The following MPZL2 variants were observed in gnomAD, a reference collection of about 807,000 sequenced individuals.
MPZL2 encodes the protein myelin protein zero-like protein 2.
MPZL2 carries 32 observed loss-of-function variants against 24.5 expected under a neutral mutation model. That is an observed-to-expected ratio of 1.31 (90% CI 0.99 to 1.76). MPZL2 has a LOEUF of 1.76. Among genes scored for constraint, MPZL2 ranks in the 40% most tolerant of loss-of-function variants. MPZL2 has a pLI of 0.00. For missense variants in MPZL2, 304 were observed against 274.9 expected, an observed-to-expected ratio of 1.11 and a Z score of -0.75; for synonymous variants, 92 against 97.9, an observed-to-expected ratio of 0.94 and a Z score of 0.36.
At position 118,263,025 on chromosome 11, in the gene MPZL2, C is replaced by G. The variant is rs145363544; in HGVS notation, c.131G>C (p.Arg44Pro). Reference sequence around the variant, plus strand: ...AAAGCTGGAGAAAGTGCATTTTAACCGAGCATCTGTCCCATTAACAGCCTC... The same window carrying G: ...AAAGCTGGAGAAAGTGCATTTTAACGGAGCATCTGTCCCATTAACAGCCTC... ...VLEAVNGTDARLKCTFSSFAP... is the reference protein window; with the variant it reads ...VLEAVNGTDAPLKCTFSSFAP... Residue 44 changes from arginine (R) to proline (P), a missense_variant, in exon 2 of 6, where the codon CGG (arginine) becomes CCG (proline). Coordinates refer to ENST00000278937, the MANE Select transcript of MPZL2 (RefSeq NM_005797.4). 6.2e-7 allele frequency: 1 copy of G among 1,614,134 alleles called. No homozygotes were observed. Among genetic ancestry groups the G allele is most frequent in the South Asian group, 1.1e-5 (1 of 91,074 alleles).
intron 1 of MPZL2, 32 bp downstream of exon 1, chr11:118,264,064 G>C (rs1416648900): frequency 1.2e-6 from 2 of 1,606,474 alleles, no homozygotes; most frequent in Admixed American, 1.7e-5. Flanking sequence ...CAGTGAAGGA[G>C]GAAACTCTGA....
At chr11:118,259,817 T>C (rs1032926542) in intron 4 of MPZL2, 12 of 398,978 alleles carry the variant, frequency 3.0e-5, no homozygotes, top group African/African-American at 2.4e-4. Context: ...CACATTTTTG[T>C]AAAATCAACC....
chr11:118,258,365 A>C (rs927629044), intron 4 of MPZL2, among the ~76,000 whole-genome samples: 1 of 152,212 alleles, frequency 6.6e-6, no homozygotes, highest in African/African-American at 2.4e-5. Context: ...TGGGAAAAAA[A>C]TTGCAAGTTG....
chr11:118,257,384 C>T, intron 4 of MPZL2, 71 bp from the exon 5 acceptor site: 3 of 1,266,930 alleles, frequency 2.4e-6, no homozygotes, highest in Non-Finnish European at 3.4e-6. Flanking sequence ...ACAGAAGCTT[C>T]AGGTAAGGTA....
At chr11:118,263,295 C>A in intron 1 of MPZL2, 198 bp from the exon 2 acceptor site, 1 of 550,742 alleles carries the variant, frequency 1.8e-6, no homozygotes. Context: ...TTCCATGTGA[C>A]AACTAAACTA....
chr11:118,257,079 AAGACTAAT>A (rs1239931679), intron 5 of MPZL2, 151 bp downstream of exon 5: 4 of 484,300 alleles, frequency 8.3e-6, no homozygotes, highest in African/African-American at 4.0e-5. Flanking sequence ...AGCTATCCAT[AAGACTAAT>A]AGAAGACTTT....
Position 118,262,999 on chromosome 11 carries a change from C to A in MPZL2, c.157G>T (p.Ala53Ser). ...ARLKCTFSSF[A>S]PVGDALTVTW... ...ACTGTTAGAGCATCACCCACAGGGG[C>A]AAAGCTGGAGAAAGTGCATTTTAAC... The change falls in exon 2 of 6, where the codon GCC becomes TCC. Residue 53 changes from alanine (A) to serine (S), a missense_variant. Coordinates refer to ENST00000278937, the MANE Select transcript of MPZL2 (RefSeq NM_005797.4). 6.2e-7 allele frequency: 1 copy of A among 1,614,178 alleles called. No individual in the cohort carries two copies. The highest frequency in any genetic ancestry group is 8.5e-7 in the Non-Finnish European group (1 of 1,180,024).
At position 118,260,186 on chromosome 11, in the gene MPZL2, A is replaced by G. The variant is rs759837097; in HGVS notation, c.452T>C (p.Ile151Thr). 7.2e-5 allele frequency: 117 copies of G among 1,613,964 alleles called. No homozygotes were observed. Among genetic ancestry groups the G allele is most frequent in the Admixed American group, 1.3e-4 (8 of 60,006 alleles). ...SVVHTVRFSE[I>T]HFLALAIGSA... ...GCCAATGGCCAGAGCCAGGAAGTGG[A>G]TCTCAGAGAAGCGTACTGTAAGGAG... Residue 151 changes from isoleucine to threonine, a missense_variant, in exon 4 of 6, where the codon ATC (isoleucine) becomes ACC (threonine). By Grantham distance (89) the Ile-to-Thr change is moderately conservative. Coordinates refer to ENST00000278937, the MANE Select transcript of MPZL2 (RefSeq NM_005797.4).
chr11:118,264,178 G>C lies in MPZL2; in HGVS notation c.-25C>G, dbSNP rs1372541368. 4 of 1,613,132 alleles carry C rather than the reference G, an allele frequency of 2.5e-6. No homozygotes were observed. Among genetic ancestry groups the C allele is most frequent in the Non-Finnish European group, 3.4e-6 (4 of 1,179,266 alleles). On this transcript the variant is annotated 5_prime_UTR_variant, in exon 1 of 6. Transcript: ENST00000278937. The stretch of plus-strand genomic sequence containing the variant: ...TGAGGGAAACCCAGCCTTGGCCCCA[G>C]AGACCGGACGGGGCAGACCGAGGGC...
chr11:118,253,939 T>C lies in MPZL2; in HGVS notation c.*1307A>G, dbSNP rs1394164922. 1 of 152,572 alleles carries C rather than the reference T, an allele frequency of 6.6e-6. No individual in the cohort carries two copies. The highest frequency in any genetic ancestry group is 1.5e-5 in the Non-Finnish European group (1 of 67,986). The allele number at this position is 152,572 out of a possible 1,614,324, so 9.5% of individuals were successfully genotyped here. ...TAATCTGTTTGAAAATTCCAGTTTG[T>C]TAAAAGAAAAAACATCTGCAGTCCA... On this transcript the variant is annotated 3_prime_UTR_variant, in exon 6 of 6. Transcript: ENST00000278937.
chr11:118,256,936 C>G (rs1057142496), intron 5 of MPZL2: 1 of 190,542 alleles, frequency 5.2e-6, no homozygotes, highest in Admixed American at 6.1e-5. Flanking sequence ...GATTTATTTA[C>G]TTGTTGAATA....
At chr11:118,259,865 T>C in intron 4 of MPZL2, 189 bp downstream of exon 4, 2 of 594,282 alleles carry the variant, frequency 3.4e-6, no homozygotes, top group South Asian at 6.6e-5. Flanking sequence ...GGAAATATTT[T>C]GTAAAATTAA....
At position 118,262,477 on chromosome 11, in the gene MPZL2, C is replaced by A. The variant is rs780923229; in HGVS notation, c.397G>T (p.Gly133Trp). The A allele has an allele frequency of 1.2e-6, 2 of 1,614,172 alleles. No individual in the cohort carries two copies. Among genetic ancestry groups the A allele is most frequent in the South Asian group, 2.2e-5 (2 of 91,084 alleles). ...CTGAGCCGGATCTCCCCTATCACCC[C>A]ATCAACATCAGGTGGGTTCTTCACC... is the stretch of plus-strand genomic sequence containing the variant. ...CQVKNPPDVD[G>W]VIGEIRLSVV... is the part of the protein sequence containing the mutation. The change falls in exon 3 of 6, where the codon GGG becomes TGG. Residue 133 changes from glycine (G) to tryptophan (W), a missense_variant. By Grantham distance (184) the Gly-to-Trp change is radical. Transcript: ENST00000278937.
chr11:118,259,294 T>C (rs1949682662), intron 4 of MPZL2: 2 of 152,142 alleles, frequency 1.3e-5, no homozygotes, highest in South Asian at 4.1e-4. Context: ...GGACAAACAA[T>C]ATGTGGTATA....
chr11:118,260,091 A>G lies in MPZL2; in HGVS notation c.547T>C (p.Trp183Arg). The change falls in exon 4 of 6, where the codon TGG becomes CGG. Residue 183 changes from tryptophan (W) to arginine (R), a missense_variant. Physicochemically the swap from Trp to Arg is moderately radical, Grantham distance 101. Coordinates refer to ENST00000278937, the MANE Select transcript of MPZL2 (RefSeq NM_005797.4). Reference protein sequence around the residue: ...VLFQHYRKKRWAERAHKVVEI... With the variant: ...VLFQHYRKKRRAERAHKVVEI... Reference sequence around the variant, plus strand: ...ACCACTTTATGAGCTCTTTCGGCCCATCGCTTTTTCCGGTAATGCTGGAAG... The same window carrying G: ...ACCACTTTATGAGCTCTTTCGGCCCGTCGCTTTTTCCGGTAATGCTGGAAG... 1 of 1,614,070 alleles carries G rather than the reference A, an allele frequency of 6.2e-7. No individual in the cohort carries two copies. Among genetic ancestry groups the G allele is most frequent in the Non-Finnish European group, 8.5e-7 (1 of 1,179,962 alleles).
intron 3 of MPZL2, among the ~76,000 whole-genome samples, chr11:118,262,007 T>G (rs1160199031): frequency 1.1e-4 from 16 of 152,212 alleles, no homozygotes; most frequent in Admixed American, 1.0e-3. Context: ...CTCCCATCAT[T>G]AGTACCTGCC....
At chr11:118,257,084 T>C in intron 5 of MPZL2, 154 bp downstream of exon 5, 3 of 506,252 alleles carry the variant, frequency 5.9e-6, no homozygotes, top group East Asian at 6.4e-5. Flanking sequence ...TCCATAAGAC[T>C]AATAGAAGAC....
chr11:118,260,067 C>A lies in MPZL2; in HGVS notation c.571G>T (p.Val191Leu). 1 of 1,614,004 alleles carries A rather than the reference C, an allele frequency of 6.2e-7. No homozygotes were observed. Among genetic ancestry groups the A allele is most frequent in the Non-Finnish European group, 8.5e-7 (1 of 1,179,918 alleles). ...KRWAERAHKV[V>L]EIKSKEEERL... ...GCCCAGCCTTACGATTTTATCTCCA[C>A]CACTTTATGAGCTCTTTCGGCCCAT... is the stretch of plus-strand genomic sequence containing the variant. The change falls in exon 4 of 6, where the codon GTG (valine) becomes TTG (leucine). Residue 191 changes from valine to leucine, a missense_variant. Val to Leu is a conservative substitution (Grantham distance 32). Coordinates refer to ENST00000278937, the MANE Select transcript of MPZL2 (RefSeq NM_005797.4).
chr11:118,256,406 C>A (rs1431349119), intron 5 of MPZL2, among the ~76,000 whole-genome samples: 1 of 152,214 alleles, frequency 6.6e-6, no homozygotes, highest in Admixed American at 6.5e-5. Flanking sequence ...GTAATCCCAA[C>A]ACTTTGGGAG....
Sources: allele counts gnomAD v4.1 joint callset (sites outside exome capture counted in the v4.1 genomes callset), GRCh38; gene constraint gnomAD v4.1.1; transcripts MANE v1.5; gene names NCBI Gene and HGNC (gene_info 2026-07-23, HGNC 2026-07-21).